The following ARIH1 variants were observed in gnomAD, a reference collection of about 807,000 sequenced individuals.
The protein encoded by ARIH1 is E3 ubiquitin-protein ligase ARIH1.
Under a neutral mutation model 85.0 loss-of-function variants are expected in ARIH1, and 8 were observed. That is an observed-to-expected ratio of 0.09 (90% confidence interval 0.06 to 0.17). The LOEUF (loss-of-function observed/expected upper bound fraction) is 0.17, where lower values mean the gene tolerates loss of function less well. Among genes scored for constraint, ARIH1 ranks in the 10% least tolerant of loss-of-function variants. ARIH1 has a pLI of 1.00. For missense variants in ARIH1, 311 were observed against 718.1 expected, an observed-to-expected ratio of 0.43 and a Z score of 6.48; for synonymous variants, 238 against 253.6, an observed-to-expected ratio of 0.94 and a Z score of 0.59.
At chr15:72,534,970 T>TTTTTTTTTTTTTTTTTTTTTTG (rs1567349493) in intron 2 of ARIH1, among the ~76,000 whole-genome samples, 1 of 114,526 alleles carries the variant, frequency 8.7e-6, no homozygotes, top group African/African-American at 2.5e-5. Context: ...TTTTTTTTTT[T>TTTTTTTTTTTTTTTTTTTTTTG]GAGACGGAGT....
intron 2 of ARIH1, among the ~76,000 whole-genome samples, chr15:72,537,471 A>G (rs190115353): frequency 6.6e-5 from 10 of 152,258 alleles, no homozygotes; most frequent in Non-Finnish European, 1.3e-4. Context: ...CCCAGAAGAG[A>G]AAGAACTATT....
intron 11 of ARIH1, among the ~76,000 whole-genome samples, chr15:72,573,900 T>A (rs998863864): frequency 1.4e-4 from 22 of 152,198 alleles, no homozygotes; most frequent in African/African-American, 4.6e-4. Flanking sequence ...CCACCAATTT[T>A]CTTTTCTTTC....
At chr15:72,522,196 G>A (rs568110745) in intron 2 of ARIH1, among the ~76,000 whole-genome samples, 1 of 152,174 alleles carries the variant, frequency 6.6e-6, no homozygotes, top group Admixed American at 6.5e-5. Context: ...AGTCTTAAGG[G>A]TTTTTATTAG....
At chr15:72,533,076 C>T (rs1018205450) in intron 2 of ARIH1, among the ~76,000 whole-genome samples, 1 of 152,142 alleles carries the variant, frequency 6.6e-6, no homozygotes, top group African/African-American at 2.4e-5. Context: ...GCCAGTAGAA[C>T]ATCAAAAAAT....
At chr15:72,519,387 C>T (rs997652386) in intron 2 of ARIH1, among the ~76,000 whole-genome samples, 16 of 150,192 alleles carry the variant, frequency 1.1e-4, no homozygotes, top group African/African-American at 3.4e-4. Context: ...CAAACACATA[C>T]TGTATAAAGC....
intron 2 of ARIH1, among the ~76,000 whole-genome samples, chr15:72,521,202 C>G (rs1207218803): frequency 1.5e-4 from 1 of 6,460 alleles, no homozygotes; most frequent in East Asian, 0.012. Context: ...ATTTAATGCC[C>G]CCCCCCCCCC....
intron 3 of ARIH1, among the ~76,000 whole-genome samples, chr15:72,547,523 G>T (rs532645780): frequency 6.6e-6 from 1 of 152,094 alleles, no homozygotes; most frequent in Non-Finnish European, 1.5e-5. Flanking sequence ...GTGCACCACC[G>T]CACCCAACAG....
chr15:72,482,099 G>A (rs1219551626), intron 1 of ARIH1, among the ~76,000 whole-genome samples: 1 of 152,092 alleles, frequency 6.6e-6, no homozygotes, highest in Admixed American at 6.6e-5. Flanking sequence ...GCCTCCCAAA[G>A]TGCTGGGATT....
chr15:72,520,344 G>A (rs568746731), intron 2 of ARIH1, among the ~76,000 whole-genome samples: 2 of 150,812 alleles, frequency 1.3e-5, no homozygotes, highest in East Asian at 1.9e-4. Context: ...TCTGCTATTA[G>A]CACTGCCACA....
At position 72,587,698 on chromosome 15, in the gene ARIH1, A is replaced by T. The variant is rs1382240217; in HGVS notation, c.*4406A>T. 6.5e-6 allele frequency: 1 copy of T among 154,004 alleles called. No homozygotes were observed. The highest frequency in any genetic ancestry group is 1.4e-5 in the Non-Finnish European group (1 of 69,396). The allele number at this position is 154,004 out of a possible 1,614,324, so 9.5% of individuals were successfully genotyped here. A position where few individuals can be genotyped will look rare whatever the true frequency, so the allele number is the denominator to read the frequency against. The stretch of plus-strand genomic sequence containing the variant: ...GATTTTTCATATATCTTTGGGGATA[A>T]AGTTGGTTATATCTGGTTTATTTTA... On this transcript the variant is annotated 3_prime_UTR_variant, in exon 14 of 14. Coordinates refer to ENST00000379887, the MANE Select transcript of ARIH1 (RefSeq NM_005744.5).
chr15:72,520,227 T>C (rs958432450), intron 2 of ARIH1, among the ~76,000 whole-genome samples: 3 of 152,212 alleles, frequency 2.0e-5, no homozygotes, highest in Non-Finnish European at 2.9e-5. Flanking sequence ...AGAGAAGCTA[T>C]TGGATACCTA....
At chr15:72,569,908 C>G (rs2064235897) in intron 9 of ARIH1, among the ~76,000 whole-genome samples, 2 of 152,162 alleles carry the variant, frequency 1.3e-5, no homozygotes, top group Non-Finnish European at 2.9e-5. Flanking sequence ...CACTGCACTA[C>G]AGCCTAGGCA....
intron 11 of ARIH1, chr15:72,572,370 T>C: frequency 2.3e-6 from 1 of 425,696 alleles, no homozygotes; most frequent in Non-Finnish European, 4.2e-6. Context: ...CCTGAGTAGC[T>C]GGGATTACAG....
In ARIH1 at chr15:72,510,278, C is replaced by G. The variant is rs914486484; in HGVS notation, c.376-7789C>G. On this transcript the variant is annotated intron_variant, in intron 1 of 13. Transcript: ENST00000379887. ...ATATCTTGTATTTTCTTAACAGTAT[C>G]TTTTACTTTCGATGGATTTCAGTGT... 5.3e-5 allele frequency among the ~76,000 whole-genome samples: 8 copies of G among 152,026 alleles called. No individual in the cohort carries two copies. In the South Asian group the frequency reaches 6.2e-4, roughly 12 times the overall value.
At position 72,555,397 on chromosome 15, in the gene ARIH1, G is replaced by C. The variant is rs755322203; in HGVS notation, c.681+34G>C. The C allele has an allele frequency of 3.3e-6, 5 of 1,508,602 alleles. No homozygotes were observed. In the South Asian group the frequency reaches 4.6e-5, roughly 14 times the overall value. The allele number at this position is 1,508,602 out of a possible 1,614,324, so 93.5% of individuals were successfully genotyped here. On this transcript the variant is annotated intron_variant, in intron 4 of 13. Transcript: ENST00000379887. ...ATCAAGTTGTTTTTCAGTTTTTGTT[G>C]AATTTCCTATAGTGTTAAGACCCTT... is the stretch of plus-strand genomic sequence containing the variant.
chr15:72,573,245 T>G (rs1400955251), intron 11 of ARIH1, among the ~76,000 whole-genome samples: 2 of 152,228 alleles, frequency 1.3e-5, no homozygotes, highest in African/African-American at 4.8e-5. Flanking sequence ...AGTGAAAGTT[T>G]TGTCTTTCCC....
chr15:72,576,916 C>G (rs1208876410), intron 11 of ARIH1, among the ~76,000 whole-genome samples: 1 of 152,036 alleles, frequency 6.6e-6, no homozygotes, highest in Non-Finnish European at 1.5e-5. Flanking sequence ...TGACCAGAAG[C>G]CTTACCGATA....
intron 2 of ARIH1, among the ~76,000 whole-genome samples, chr15:72,525,091 A>T (rs984765207): frequency 6.6e-6 from 1 of 152,068 alleles, no homozygotes; most frequent in East Asian, 1.9e-4. Context: ...GGGTTTCATC[A>T]TGTTGGCCAG....
rs1007248527 is a variant in ARIH1, at chr15:72,561,391, G to A, written c.738-92G>A. The A allele has an allele frequency of 3.2e-5, 28 of 873,932 alleles. No individual in the cohort carries two copies. In the East Asian group the frequency reaches 4.2e-4, roughly 13 times the overall value. 54.1% of individuals were successfully genotyped at this position (873,932 alleles called of 1,614,324 possible). On this transcript the variant is annotated intron_variant, in intron 5 of 13. Transcript: ENST00000379887. ...CAGCTTAGGGCATAAACATGTAGCC[G>A]TAGCATAAACAGCTTTTGAAACTAT...
Sources: gnomAD v4.1 joint callset for allele counts (sites outside exome capture counted in the v4.1 genomes callset) on GRCh38, gnomAD v4.1.1 for gene constraint, MANE v1.5 for transcripts, NCBI Gene and HGNC (gene_info 2026-07-23, HGNC 2026-07-21) for gene names.